COL28A1: variants seen among roughly 807,000 people sequenced by gnomAD.
The protein encoded by COL28A1 is collagen alpha-1(XXVIII) chain.
In COL28A1, 161 loss-of-function variants were observed where a neutral mutation model predicts 150.2. The ratio of observed to expected loss-of-function variants is 1.07; its 90% CI spans 0.94 to 1.22. COL28A1 has a LOEUF of 1.22. Ranked by LOEUF, COL28A1 falls within the 50% of genes most tolerant of loss-of-function variation. COL28A1 has a pLI of 0.00. For missense variants in COL28A1, 1,617 were observed against 1,388.3 expected, an observed-to-expected ratio of 1.16 and a Z score of -2.62; for synonymous variants, 552 against 469.7, an observed-to-expected ratio of 1.18 and a Z score of -2.26.
chr7:7,375,257 G>A (rs1293369254), intron 31 of COL28A1, among the ~76,000 whole-genome samples: 1 of 152,132 alleles, frequency 6.6e-6, no homozygotes, highest in Non-Finnish European at 1.5e-5. Flanking sequence ...TAACCAGCCT[G>A]GGAAGATGAT....
intron 33 of COL28A1, among the ~76,000 whole-genome samples, chr7:7,370,326 G>C (rs576257420): frequency 6.6e-6 from 1 of 152,220 alleles, no homozygotes; most frequent in East Asian, 1.9e-4. Flanking sequence ...ACATGAGAGG[G>C]TACAAAGTGG....
intron 33 of COL28A1, among the ~76,000 whole-genome samples, chr7:7,369,905 T>C (rs1355982591): frequency 6.6e-6 from 1 of 152,154 alleles, no homozygotes; most frequent in Non-Finnish European, 1.5e-5. Flanking sequence ...GGCATGACTG[T>C]TATGTGCCTG....
intron 33 of COL28A1, among the ~76,000 whole-genome samples, chr7:7,369,334 T>C (rs1369581537): frequency 1.3e-5 from 2 of 152,232 alleles, no homozygotes; most frequent in South Asian, 2.1e-4. Flanking sequence ...TCACTATCTG[T>C]TCTTGTGAGT....
chr7:7,428,998 GA>G (rs1170065988), intron 25 of COL28A1, among the ~76,000 whole-genome samples: 1 of 152,162 alleles, frequency 6.6e-6, no homozygotes, highest in African/African-American at 2.4e-5. Context: ...TTGAAACACA[GA>G]AGCTTTGAGT....
Position 7,496,780 on chromosome 7 carries a change from A to C in COL28A1, c.1027-6134T>G, listed in dbSNP as rs181084075. 3.1e-3 allele frequency among the ~76,000 whole-genome samples: 471 copies of C among 152,330 alleles called. 3 individuals are homozygous for C. Among genetic ancestry groups the C allele is most frequent in the Non-Finnish European group, 4.8e-3 (327 of 68,022 alleles). On this transcript the variant is annotated intron_variant, in intron 11 of 34. Coordinates refer to ENST00000399429, the MANE Select transcript of COL28A1 (RefSeq NM_001037763.3). ...AACAATTTTATCATATTTTCTTAACATTACAAAGATGTTTTAGCAACTTTT... is the reference window on the plus strand; with the variant it reads ...AACAATTTTATCATATTTTCTTAACCTTACAAAGATGTTTTAGCAACTTTT...
At chr7:7,471,502 A>T (rs758379061) in intron 15 of COL28A1, among the ~76,000 whole-genome samples, 2 of 152,252 alleles carry the variant, frequency 1.3e-5, no homozygotes, top group Non-Finnish European at 2.9e-5. Flanking sequence ...CCAACAACGT[A>T]TCAAAAAGAT....
At position 7,506,069 on chromosome 7, in the gene COL28A1, TGC is replaced by T. The variant is rs751224227; in HGVS notation, c.973-4_973-3del. 7.3e-7 allele frequency: 1 copy of T among 1,361,108 alleles called. No individual in the cohort carries two copies. The highest frequency in any genetic ancestry group is 1.2e-5 in the South Asian group (1 of 85,684). 84.3% of individuals were successfully genotyped at this position (1,361,108 alleles called of 1,614,324 possible). A position where few individuals can be genotyped will look rare whatever the true frequency, so the allele number is the denominator to read the frequency against. On this transcript the variant is annotated splice_region_variant and splice_polypyrimidine_tract_variant and intron_variant, in intron 10 of 34. Coordinates refer to ENST00000399429, the MANE Select transcript of COL28A1 (RefSeq NM_001037763.3). The stretch of plus-strand genomic sequence containing the variant: ...GTCTCCTGGAGGTCCAGTAATTCCC[TGC>T]TCCAGGATGAAAACCAAGAATTAGT...
intron 11 of COL28A1, among the ~76,000 whole-genome samples, chr7:7,493,664 C>T (rs929378): frequency 6.6e-6 from 1 of 152,144 alleles, no homozygotes; most frequent in Admixed American, 6.5e-5. Context: ...ATTCCCTTCC[C>T]ATTTCCCCTT....
At chr7:7,514,479 A>T (rs889528539) in intron 8 of COL28A1, among the ~76,000 whole-genome samples, 6 of 151,850 alleles carry the variant, frequency 4.0e-5, no homozygotes, top group African/African-American at 1.5e-4. Context: ...GATTCCTTAC[A>T]CTCTTCCCCT....
At chr7:7,435,032 G>C (rs1048618876) in intron 23 of COL28A1, among the ~76,000 whole-genome samples, 2 of 152,072 alleles carry the variant, frequency 1.3e-5, no homozygotes, top group Non-Finnish European at 2.9e-5. Flanking sequence ...TAATGAACTA[G>C]GGAAGAACAA....
intron 15 of COL28A1, among the ~76,000 whole-genome samples, chr7:7,460,387 G>T (rs1008136000): frequency 6.9e-6 from 1 of 145,170 alleles, no homozygotes; most frequent in Non-Finnish European, 1.5e-5. Context: ...GTTTTTTGTT[G>T]TTTTTTTTTT....
At chr7:7,518,138 C>T (rs915812076) in intron 6 of COL28A1, among the ~76,000 whole-genome samples, 1 of 152,166 alleles carries the variant, frequency 6.6e-6, no homozygotes, top group Non-Finnish European at 1.5e-5. Context: ...TCATTATACT[C>T]ACTTGGAGCC....
At chr7:7,377,530 C>G (rs1416651159) in intron 30 of COL28A1, among the ~76,000 whole-genome samples, 1 of 152,052 alleles carries the variant, frequency 6.6e-6, no homozygotes, top group Non-Finnish European at 1.5e-5. Flanking sequence ...GGAAGGGGAG[C>G]GTTCAGGCAA....
chr7:7,358,826 T>G (rs2348042), intron 34 of COL28A1, 21 bp from the exon 35 acceptor site: 1,154,679 of 1,590,190 alleles, frequency 0.73, 430,078 homozygotes, highest in East Asian at 0.88. Context: ...AAAAGGAAAA[T>G]GTGTCACGGA....
chr7:7,501,404 C>T (rs1780516721), intron 11 of COL28A1, among the ~76,000 whole-genome samples: 1 of 152,182 alleles, frequency 6.6e-6, no homozygotes, highest in African/African-American at 2.4e-5. Context: ...TGCTGGGGTA[C>T]TTCGAAATGT....
chr7:7,478,785 G>T, intron 13 of COL28A1, among the ~76,000 whole-genome samples: 1 of 152,264 alleles, frequency 6.6e-6, no homozygotes, highest in East Asian at 1.9e-4. Flanking sequence ...CTGCTGGCGC[G>T]GGTGCTAAGC....
intron 27 of COL28A1, among the ~76,000 whole-genome samples, chr7:7,400,968 G>A (rs1783143607): frequency 7.1e-6 from 1 of 140,126 alleles, no homozygotes; most frequent in African/African-American, 2.7e-5. Flanking sequence ...GGACGTGTGG[G>A]TATTTGGGTG....
rs1441563800 is a variant in COL28A1, at chr7:7,410,566, T to C, written c.2136+7293A>G. The stretch of plus-strand genomic sequence containing the variant: ...GCTATGCCGTTAAGTGGATAACTTA[T>C]TGTTTCTATTACTTTCTGAGGTGTG... On this transcript the variant is annotated intron_variant, in intron 27 of 34. Coordinates refer to ENST00000399429, the MANE Select transcript of COL28A1 (RefSeq NM_001037763.3). Among the ~76,000 whole-genome samples the C allele has an allele frequency of 7.8e-4, 119 of 152,150 alleles. 1 individual carries two copies. Among genetic ancestry groups the C allele is most frequent in the Non-Finnish European group, 2.9e-5 (2 of 68,028 alleles).
chr7:7,407,986 TAA>T (rs1434306290), intron 27 of COL28A1, among the ~76,000 whole-genome samples: 4 of 152,178 alleles, frequency 2.6e-5, no homozygotes, highest in Non-Finnish European at 5.9e-5. Flanking sequence ...CACAGGGTCC[TAA>T]CGAAGTCATC....
Sources: allele counts gnomAD v4.1 joint callset (sites outside exome capture counted in the v4.1 genomes callset), GRCh38; gene constraint gnomAD v4.1.1; transcripts MANE v1.5; gene names NCBI Gene and HGNC (gene_info 2026-07-23, HGNC 2026-07-21).